RIN2: variants seen among roughly 807,000 people sequenced by gnomAD.
The protein encoded by RIN2 is Ras and Rab interactor 2, also known as RAB5 interacting protein 2.
In RIN2, 36 loss-of-function variants were observed where a neutral mutation model predicts 78.0. The ratio of observed to expected loss-of-function variants is 0.46; its 90% CI spans 0.35 to 0.61. The LOEUF is 0.61. Ranked by LOEUF, RIN2 falls within the 20% of genes least tolerant of loss-of-function variation. The pLI is 0.00. For missense variants in RIN2, 1,087 were observed against 1,159.7 expected (o/e 0.94, Z 0.91); for synonymous variants, 466 against 466.8 (o/e 1.00, Z 0.02).
intron 5 of RIN2, among the ~76,000 whole-genome samples, chr20:19,959,879 A>G (rs6106165): frequency 0.032 from 4,928 of 152,300 alleles, 119 homozygotes; most frequent in Non-Finnish European, 0.044. Flanking sequence ...CACGGCCTAC[A>G]CAACAGTACA....
intron 3 of RIN2, among the ~76,000 whole-genome samples, chr20:19,892,280 G>T (rs536394257): frequency 2.0e-5 from 3 of 152,092 alleles, no homozygotes; most frequent in Admixed American, 1.3e-4. Context: ...GCAGTGGTGC[G>T]ATCTCGGCTC....
intron 3 of RIN2, among the ~76,000 whole-genome samples, chr20:19,908,942 G>A (rs6136881): frequency 0.42 from 63,194 of 151,926 alleles, 13,259 homozygotes; most frequent in Middle Eastern, 0.44. Flanking sequence ...TCAGCTCACT[G>A]CAACCTCTGC....
At chr20:19,872,798 G>A (rs1231769349) in intron 2 of RIN2, among the ~76,000 whole-genome samples, 2 of 152,206 alleles carry the variant, frequency 1.3e-5, no homozygotes, top group African/African-American at 4.8e-5. Context: ...ACTACAAAAT[G>A]TGGGACGCTG....
At chr20:19,886,596 T>C (rs1048569408) in intron 2 of RIN2, 37 of 809,118 alleles carry the variant, frequency 4.6e-5, no homozygotes, top group Non-Finnish European at 6.3e-5. Flanking sequence ...AGGGCTGCCT[T>C]CTTCTTCTTC....
intron 2 of RIN2, among the ~76,000 whole-genome samples, chr20:19,865,965 G>C (rs888494861): frequency 2.6e-5 from 4 of 152,034 alleles, no homozygotes; most frequent in African/African-American, 9.7e-5. Context: ...GTGAGGGATG[G>C]TTTTGGGATG....
At chr20:19,771,563 C>T (rs910255439) in intron 1 of RIN2, among the ~76,000 whole-genome samples, 1 of 152,150 alleles carries the variant, frequency 6.6e-6, no homozygotes. Flanking sequence ...AAGGGATTCA[C>T]GGCTGTCGGT....
chr20:19,808,763 C>T (rs551995542), intron 2 of RIN2, among the ~76,000 whole-genome samples: 2 of 152,334 alleles, frequency 1.3e-5, no homozygotes, highest in South Asian at 4.2e-4. Context: ...TGCTGCTGGC[C>T]CCCTGGGGGT....
At chr20:19,774,403 AT>A (rs2034239379) in intron 1 of RIN2, among the ~76,000 whole-genome samples, 1 of 152,218 alleles carries the variant, frequency 6.6e-6, no homozygotes, top group South Asian at 2.1e-4. Flanking sequence ...ACAGGAGCAT[AT>A]AATAAAAGCA....
Position 19,948,799 on chromosome 20 carries a change from T to C in RIN2, c.159-7816T>C, listed in dbSNP as rs528411915. Among the ~76,000 whole-genome samples, 31 of 152,160 alleles carry C rather than the reference T, an allele frequency of 2.0e-4. 1 individual carries two copies. Among genetic ancestry groups the C allele is most frequent in the Non-Finnish European group, 4.4e-4 (30 of 68,032 alleles). ...TGATTGTCTTGAATGATTTTAATTTTAATTTTATTTATTTATTTATTGAGA... is the reference window on the plus strand; with the variant it reads ...TGATTGTCTTGAATGATTTTAATTTCAATTTTATTTATTTATTTATTGAGA... On this transcript the variant is annotated intron_variant, in intron 4 of 12. Transcript: ENST00000255006.
intron 9 of RIN2, among the ~76,000 whole-genome samples, chr20:19,982,733 G>A (rs1464584309): frequency 6.6e-6 from 1 of 152,208 alleles, no homozygotes; most frequent in Non-Finnish European, 1.5e-5. Flanking sequence ...GTGACATTTT[G>A]CATGAGGCTT....
chr20:19,908,502 A>AAAAAG (rs1555788671), intron 3 of RIN2, among the ~76,000 whole-genome samples: 2 of 151,166 alleles, frequency 1.3e-5, no homozygotes, highest in African/African-American at 4.9e-5. Flanking sequence ...AAAAAAAAAA[A>AAAAAG]AAAGAAAGAA....
chr20:19,833,094 C>T (rs540342704), intron 2 of RIN2, among the ~76,000 whole-genome samples: 2 of 152,258 alleles, frequency 1.3e-5, no homozygotes, highest in African/African-American at 4.8e-5. Context: ...CACAGTTTTC[C>T]CCTCACCTTC....
chr20:19,837,907 G>A (rs529429689), intron 2 of RIN2, among the ~76,000 whole-genome samples: 16 of 151,726 alleles, frequency 1.1e-4, no homozygotes, highest in African/African-American at 3.6e-4. Flanking sequence ...ACAGACATAC[G>A]CCTATATTTT....
intron 2 of RIN2, among the ~76,000 whole-genome samples, chr20:19,859,727 TG>T (rs138819221): frequency 0.018 from 2,715 of 152,326 alleles, 72 homozygotes; most frequent in African/African-American, 0.062. Flanking sequence ...ACTTTCCACA[TG>T]GATGTCCTAC....
intron 3 of RIN2, among the ~76,000 whole-genome samples, chr20:19,902,261 C>T (rs559404243): frequency 5.9e-5 from 9 of 152,218 alleles, no homozygotes; most frequent in South Asian, 4.1e-4. Flanking sequence ...TGGACTCCTC[C>T]GACTCTCCTT....
intron 1 of RIN2, among the ~76,000 whole-genome samples, chr20:19,793,919 A>G (rs2034966615): frequency 6.6e-6 from 1 of 152,148 alleles, no homozygotes; most frequent in South Asian, 2.1e-4. Flanking sequence ...TGGGTGAGTA[A>G]ATTCTTAGCC....
At chr20:19,776,419 AC>A (rs2034311981) in intron 1 of RIN2, among the ~76,000 whole-genome samples, 1 of 152,158 alleles carries the variant, frequency 6.6e-6, no homozygotes, top group Non-Finnish European at 1.5e-5. Flanking sequence ...AACTCTTGCA[AC>A]CAATTGCCAA....
intron 3 of RIN2, among the ~76,000 whole-genome samples, chr20:19,907,292 G>T (rs2039262041): frequency 6.6e-6 from 1 of 152,206 alleles, no homozygotes; most frequent in Non-Finnish European, 1.5e-5. Context: ...CAACACTGTT[G>T]CATTGAAGAT....
At chr20:19,849,679 C>G (rs537365115) in intron 2 of RIN2, among the ~76,000 whole-genome samples, 63 of 152,218 alleles carry the variant, frequency 4.1e-4, no homozygotes, top group African/African-American at 1.4e-3. Flanking sequence ...GTCCTGTGTT[C>G]AGTTTTATCA....
Sources: allele counts gnomAD v4.1 joint callset (sites outside exome capture counted in the v4.1 genomes callset), GRCh38; gene constraint gnomAD v4.1.1; transcripts MANE v1.5; gene names NCBI Gene and HGNC (gene_info 2026-07-23, HGNC 2026-07-21).